PAPSS2: variants seen among roughly 807,000 people sequenced by gnomAD.
The protein encoded by PAPSS2 is bifunctional 3'-phosphoadenosine 5'-phosphosulfate synthase 2.
A neutral mutation model predicts 66.5 loss-of-function variants in PAPSS2; 61 were observed. The ratio of observed to expected loss-of-function variants is 0.92; its 90% CI spans 0.75 to 1.14. The LOEUF (loss-of-function observed/expected upper bound fraction) is 1.14, where lower values mean the gene tolerates loss of function less well. PAPSS2 is among the 50% of genes most tolerant of loss of function. The pLI is 0.00. For missense variants in PAPSS2, 708 were observed against 789.6 expected, an observed-to-expected ratio of 0.90 and a Z score of 1.24; for synonymous variants, 289 against 287.5, an observed-to-expected ratio of 1.01 and a Z score of -0.05.
At chr10:87,690,741 A>C (rs557955735) in intron 1 of PAPSS2, among the ~76,000 whole-genome samples, 24 of 152,310 alleles carry the variant, frequency 1.6e-4, no homozygotes, top group Admixed American at 2.6e-4. Context: ...TCTAACATTT[A>C]TTGAGAGCTT....
rs571208829 is a variant in PAPSS2, at chr10:87,712,779, C to T, written c.146-296C>T. 1.5e-4 allele frequency among the ~76,000 whole-genome samples: 23 copies of T among 152,120 alleles called. No individual in the cohort carries two copies. In the South Asian group the frequency reaches 4.8e-3, roughly 32 times the overall value. ...CCAGCCTGTATGACAACTTTCTAAT[C>T]TTTAAAACACTCTGCAGCCCAAACA... On this transcript the variant is annotated intron_variant, in intron 2 of 12. Coordinates refer to ENST00000456849, the MANE Select transcript of PAPSS2 (RefSeq NM_001015880.2).
At chr10:87,680,026 CAA>C (rs58787148) in intron 1 of PAPSS2, among the ~76,000 whole-genome samples, 18 of 126,646 alleles carry the variant, frequency 1.4e-4, no homozygotes, top group Admixed American at 1.6e-4. Flanking sequence ...GAACCTATCT[CAA>C]AAAAAAAAAA....
chr10:87,739,409 T>G (rs1316662899), intron 9 of PAPSS2, among the ~76,000 whole-genome samples: 3 of 152,222 alleles, frequency 2.0e-5, no homozygotes, highest in African/African-American at 7.2e-5. Context: ...TGTTTTAAAA[T>G]CAGATATAAT....
intron 9 of PAPSS2, among the ~76,000 whole-genome samples, chr10:87,729,225 GCTTTT>G (rs1156719739): frequency 4.8e-5 from 6 of 126,292 alleles, no homozygotes; most frequent in Non-Finnish European, 8.0e-5. Flanking sequence ...CACAGATTTT[GCTTTT>G]CTTTTCTTTT....
intron 1 of PAPSS2, among the ~76,000 whole-genome samples, chr10:87,681,991 G>T (rs1853027309): frequency 6.6e-6 from 1 of 152,182 alleles, no homozygotes; most frequent in Non-Finnish European, 1.5e-5. Context: ...TATGAAGAAT[G>T]GACATGAAGA....
Position 87,743,564 on chromosome 10 carries a change from G to A in PAPSS2, c.1414G>A (p.Glu472Lys), listed in dbSNP as rs149151415. ...GATGAAGCAGCACGCGGCTGTGCTC[G>A]AGGAAGGGGTCCTGGATCCCAAGTC... ...WRMKQHAAVL[E>K]EGVLDPKSTI... Residue 472 changes from glutamate to lysine, a missense_variant, in exon 11 of 13, where the codon GAG becomes AAG. Glu to Lys is a moderately conservative substitution (Grantham distance 56). Transcript: ENST00000456849. The A allele has an allele frequency of 1.4e-4, 233 of 1,614,040 alleles. No individual in the cohort carries two copies. The highest frequency in any genetic ancestry group is 1.9e-4 in the Non-Finnish European group (225 of 1,180,012).
At chr10:87,660,194 C>T (rs12774714) in intron 1 of PAPSS2, among the ~76,000 whole-genome samples, 186 bp downstream of exon 1, 1 of 152,168 alleles carries the variant, frequency 6.6e-6, no homozygotes, top group South Asian at 2.1e-4. Flanking sequence ...GCAGTCCTCG[C>T]CCCGCAGCCC....
At chr10:87,738,863 T>C (rs1360879895) in intron 9 of PAPSS2, among the ~76,000 whole-genome samples, 1 of 152,258 alleles carries the variant, frequency 6.6e-6, no homozygotes, top group Non-Finnish European at 1.5e-5. Flanking sequence ...CTTTGCCTAT[T>C]TCTTAATTGG....
At chr10:87,725,580 T>C (rs1853648215) in intron 8 of PAPSS2, among the ~76,000 whole-genome samples, 1 of 152,106 alleles carries the variant, frequency 6.6e-6, no homozygotes, top group African/African-American at 2.4e-5. Context: ...ATTACCAGTA[T>C]CCTAAAAAAT....
At chr10:87,701,396 CTCTTTCTT>C (rs1190325278) in intron 1 of PAPSS2, among the ~76,000 whole-genome samples, 467 of 80,894 alleles carry the variant, frequency 5.8e-3, no homozygotes, top group Middle Eastern at 0.013. Context: ...TTCTTTCTTT[CTCTTTCTT>C]TCTCTCTCTC....
At chr10:87,682,208 A>C (rs1034855316) in intron 1 of PAPSS2, among the ~76,000 whole-genome samples, 4 of 152,354 alleles carry the variant, frequency 2.6e-5, no homozygotes, top group Admixed American at 6.5e-5. Context: ...TACAGACCCT[A>C]GTATTTCAAA....
At chr10:87,692,274 G>C (rs117866674) in intron 1 of PAPSS2, among the ~76,000 whole-genome samples, 1,774 of 152,240 alleles carry the variant, frequency 0.012, 18 homozygotes, top group Non-Finnish European at 0.019. Flanking sequence ...AGTGGCTCTG[G>C]GGGGAATCAT....
At chr10:87,692,782 C>T (rs1330345416) in intron 1 of PAPSS2, among the ~76,000 whole-genome samples, 1 of 152,132 alleles carries the variant, frequency 6.6e-6, no homozygotes, top group African/African-American at 2.4e-5. Context: ...TCACTTGGGT[C>T]AACCTAGTGC....
intron 1 of PAPSS2, among the ~76,000 whole-genome samples, chr10:87,664,374 A>G (rs543784689): frequency 1.6e-4 from 24 of 152,326 alleles, no homozygotes; most frequent in African/African-American, 5.1e-4. Flanking sequence ...TGGCCAAGAA[A>G]GATAATCCAT....
intron 1 of PAPSS2, among the ~76,000 whole-genome samples, chr10:87,683,401 G>A (rs1253268397): frequency 2.6e-5 from 4 of 152,134 alleles, no homozygotes; most frequent in African/African-American, 9.7e-5. Flanking sequence ...GTGAGCCACC[G>A]TGCCTGGCCC....
chr10:87,674,146 G>T (rs1316753207), intron 1 of PAPSS2, among the ~76,000 whole-genome samples: 1 of 152,124 alleles, frequency 6.6e-6, no homozygotes, highest in Non-Finnish European at 1.5e-5. Context: ...AGTCAGGAAG[G>T]TTGTGAACTT....
intron 1 of PAPSS2, among the ~76,000 whole-genome samples, chr10:87,673,570 A>T (rs995812786): frequency 9.7e-5 from 12 of 123,414 alleles, no homozygotes; most frequent in African/African-American, 4.0e-4. Context: ...TTGTGTGTGT[A>T]TGTATTCATG....
chr10:87,739,513 G>A (rs188009797), intron 9 of PAPSS2, among the ~76,000 whole-genome samples: 6 of 152,250 alleles, frequency 3.9e-5, no homozygotes, highest in Admixed American at 2.0e-4. Context: ...TTCCCCCAGG[G>A]TCTCTAATTT....
At chr10:87,662,623 G>A (rs924116013) in intron 1 of PAPSS2, among the ~76,000 whole-genome samples, 4 of 150,894 alleles carry the variant, frequency 2.7e-5, no homozygotes, top group African/African-American at 9.8e-5. Context: ...GCCTCTAGGG[G>A]ACTGGAAAGA....
Sources: gnomAD v4.1 joint callset for allele counts (sites outside exome capture counted in the v4.1 genomes callset) on GRCh38, gnomAD v4.1.1 for gene constraint, MANE v1.5 for transcripts, NCBI Gene and HGNC (gene_info 2026-07-23, HGNC 2026-07-21) for gene names.